The following CDH13 variants were observed in gnomAD, a reference collection of about 807,000 sequenced individuals.
The protein encoded by CDH13 is cadherin 13.
Under a neutral mutation model 63.8 loss-of-function variants are expected in CDH13, and 24 were observed. The ratio of observed to expected loss-of-function variants is 0.38; its 90% CI spans 0.27 to 0.53. The LOEUF is 0.53. Ranked by LOEUF, CDH13 falls within the 20% of genes least tolerant of loss-of-function variation. CDH13 has a pLI of 0.85. For missense variants in CDH13, 1,049 were observed against 903.1 expected (o/e 1.16, Z -2.07); for synonymous variants, 503 against 355.3 (o/e 1.42, Z -4.67).
intron 3 of CDH13, among the ~76,000 whole-genome samples, chr16:83,040,519 G>A (rs9922948): frequency 2.5e-3 from 383 of 152,276 alleles, no homozygotes; most frequent in African/African-American, 8.8e-3. Flanking sequence ...GGAGTGTGAT[G>A]TTCGAGGCCA....
At chr16:83,215,014 G>A (rs2039454114) in intron 4 of CDH13, among the ~76,000 whole-genome samples, 1 of 146,852 alleles carries the variant, frequency 6.8e-6, no homozygotes, top group Non-Finnish European at 1.5e-5. Flanking sequence ...AGTATCAGTT[G>A]GATTAATCAA....
chr16:83,397,855 A>G (rs1238252108), intron 6 of CDH13: 1 of 152,206 alleles, frequency 6.6e-6, no homozygotes, highest in African/African-American at 2.4e-5. Flanking sequence ...AGCTAAAGAA[A>G]CATTTGTTAT....
At chr16:83,496,756 A>C (rs2074155236) in intron 7 of CDH13, among the ~76,000 whole-genome samples, 1 of 152,200 alleles carries the variant, frequency 6.6e-6, no homozygotes, top group Non-Finnish European at 1.5e-5. Context: ...TTCGCAACAT[A>C]CTCATCTGAC....
At chr16:82,880,738 T>A (rs958031301) in intron 2 of CDH13, among the ~76,000 whole-genome samples, 1 of 152,198 alleles carries the variant, frequency 6.6e-6, no homozygotes, top group African/African-American at 2.4e-5. Flanking sequence ...GTATATTTCA[T>A]AAGTTGGCCA....
At chr16:82,672,305 C>G (rs925116303) in intron 1 of CDH13, among the ~76,000 whole-genome samples, 1 of 152,158 alleles carries the variant, frequency 6.6e-6, no homozygotes, top group Non-Finnish European at 1.5e-5. Context: ...CTCATTATTA[C>G]TCCTTGATAG....
In CDH13 at chr16:82,911,729, C is replaced by T. The variant is rs2041837194; in HGVS notation, c.157+53256C>T. On this transcript the variant is annotated intron_variant, in intron 2 of 13. Coordinates refer to ENST00000567109, the MANE Select transcript of CDH13 (RefSeq NM_001257.5). ...GAAGTATGGTCCTTCCCTTACGGCC[C>T]CTTACTCAATGGCCATCCATTGTCT... Among the ~76,000 whole-genome samples the T allele has an allele frequency of 4.6e-5, 7 of 152,206 alleles. No individual in the cohort carries two copies. In the South Asian group the frequency reaches 1.2e-3, roughly 27 times the overall value.
intron 2 of CDH13, among the ~76,000 whole-genome samples, chr16:82,919,354 C>G (rs2042087102): frequency 6.6e-6 from 1 of 152,158 alleles, no homozygotes; most frequent in Non-Finnish European, 1.5e-5. Flanking sequence ...GATCCTCTTT[C>G]TCCTCCCACC....
intron 2 of CDH13, among the ~76,000 whole-genome samples, chr16:82,998,168 C>A (rs998247428): frequency 2.0e-5 from 3 of 152,144 alleles, no homozygotes; most frequent in South Asian, 2.1e-4. Flanking sequence ...TTTTATATTT[C>A]GTCATACAGA....
chr16:83,164,270 T>G lies in CDH13; in HGVS notation c.483+38769T>G, dbSNP rs554572582. The stretch of plus-strand genomic sequence containing the variant: ...TTGTGAACACTGAAGGTTGGACAGA[T>G]TCAATGTCTGGTCTGAGGCCACACA... On this transcript the variant is annotated intron_variant, in intron 4 of 13. Coordinates refer to ENST00000567109, the MANE Select transcript of CDH13 (RefSeq NM_001257.5). Among the ~76,000 whole-genome samples, 2 of 152,092 alleles carry G rather than the reference T, an allele frequency of 1.3e-5. 1 individual carries two copies. The highest frequency in any genetic ancestry group is 2.9e-5 in the Non-Finnish European group (2 of 67,980).
At chr16:83,587,482 G>T (rs773196957) in intron 7 of CDH13, among the ~76,000 whole-genome samples, 8 of 152,178 alleles carry the variant, frequency 5.3e-5, no homozygotes, top group Admixed American at 2.6e-4. Context: ...TGACCAGTAT[G>T]TAACTGTGTG....
intron 2 of CDH13, among the ~76,000 whole-genome samples, chr16:83,024,524 G>T (rs1225909692): frequency 6.6e-6 from 1 of 152,126 alleles, no homozygotes; most frequent in Non-Finnish European, 1.5e-5. Flanking sequence ...CCACACTCCC[G>T]AGTTTGGATT....
chr16:83,547,332 G>A (rs188788789), intron 7 of CDH13, among the ~76,000 whole-genome samples: 88 of 152,340 alleles, frequency 5.8e-4, no homozygotes, highest in African/African-American at 2.0e-3. Context: ...TTTAGTTTCA[G>A]AGGTACATGT....
chr16:82,660,446 G>T (rs1597245667), intron 1 of CDH13, among the ~76,000 whole-genome samples: 1 of 94,552 alleles, frequency 1.1e-5, no homozygotes, highest in African/African-American at 8.8e-5. Context: ...CGGGGCGTGC[G>T]GGGAAACCCA....
At chr16:83,784,145 T>G (rs556104379) in intron 13 of CDH13, among the ~76,000 whole-genome samples, 1 of 152,240 alleles carries the variant, frequency 6.6e-6, no homozygotes, top group Non-Finnish European at 1.5e-5. Context: ...AAAAGCCTTT[T>G]GGGCCTTGCA....
chr16:82,768,043 G>A (rs1396676589), intron 1 of CDH13, among the ~76,000 whole-genome samples: 1 of 152,156 alleles, frequency 6.6e-6, no homozygotes, highest in Non-Finnish European at 1.5e-5. Context: ...TGAGGCTAAA[G>A]GTTCAAGAGG....
At chr16:83,023,579 A>T (rs573658749) in intron 2 of CDH13, among the ~76,000 whole-genome samples, 1 of 152,310 alleles carries the variant, frequency 6.6e-6, no homozygotes, top group Non-Finnish European at 1.5e-5. Context: ...ACATGGTGTC[A>T]TTCTGAGCCA....
At chr16:83,761,083 TG>T (rs1415939768) in intron 11 of CDH13, among the ~76,000 whole-genome samples, 1 of 152,232 alleles carries the variant, frequency 6.6e-6, no homozygotes, top group African/African-American at 2.4e-5. Context: ...AATTTTAAGA[TG>T]GTAGCAAACG....
intron 1 of CDH13, among the ~76,000 whole-genome samples, chr16:82,709,569 G>T (rs926378232): frequency 6.6e-6 from 1 of 152,142 alleles, no homozygotes; most frequent in African/African-American, 2.4e-5. Flanking sequence ...AACACTAATA[G>T]GTACCTTGCG....
chr16:82,789,203 C>G (rs980251221), intron 1 of CDH13, among the ~76,000 whole-genome samples: 1 of 152,186 alleles, frequency 6.6e-6, no homozygotes, highest in Non-Finnish European at 1.5e-5. Flanking sequence ...CATCCAGTCT[C>G]TGTGTGGTTG....
Sources: gnomAD v4.1 joint callset for allele counts (sites outside exome capture counted in the v4.1 genomes callset) on GRCh38, gnomAD v4.1.1 for gene constraint, MANE v1.5 for transcripts, NCBI Gene and HGNC (gene_info 2026-07-23, HGNC 2026-07-21) for gene names.